FAHD1: variants seen among roughly 807,000 people sequenced by gnomAD.
The protein encoded by FAHD1 is FAH domain containing oxaloacetate decarboxylase 1, also known as oxaloacetate tautomerase FAHD1, mitochondrial.
FAHD1 carries 14 observed loss-of-function variants against 12.7 expected under a neutral mutation model. The ratio of observed to expected loss-of-function variants is 1.10; its 90% CI spans 0.73 to 1.72. The LOEUF (loss-of-function observed/expected upper bound fraction) is 1.72. Ranked by LOEUF, FAHD1 falls within the 40% of genes most tolerant of loss-of-function variation. The pLI, the probability that FAHD1 is intolerant of heterozygous loss-of-function variation, is 0.00. For synonymous variants in FAHD1, 153 were observed against 124.9 expected (o/e 1.22, Z -1.50); for missense variants, 351 against 298.9 (o/e 1.17, Z -1.29).
At chr16:1,834,943 C>A (rs911184110) in intron 1 of FAHD1, among the ~76,000 whole-genome samples, 1 of 95,664 alleles carries the variant, frequency 1.0e-5, no homozygotes, top group Admixed American at 1.1e-4. Flanking sequence ...CCCCCCCACC[C>A]CCCCCCACTA....
chr16:1,837,787 TAAA>T, intron 1 of FAHD1: 1 of 1,492,360 alleles, frequency 6.7e-7, no homozygotes, highest in Non-Finnish European at 9.1e-7. Flanking sequence ...CACTAACTTT[TAAA>T]TAAATTTTGC....
exon 3 of FAHD1, chr16:1,839,495 T>C (rs1898841767): frequency 3.4e-6 from 5 of 1,471,762 alleles, no homozygotes; most frequent in Non-Finnish European, 4.6e-6. Flanking sequence ...AAATTTCATC[T>C]GTAGCAGAAA....
At chr16:1,837,310 G>A (rs1476236254) in intron 1 of FAHD1, among the ~76,000 whole-genome samples, 1 of 139,486 alleles carries the variant, frequency 7.2e-6, no homozygotes, top group African/African-American at 2.6e-5. Flanking sequence ...ATCTTACACT[G>A]CCTCACTAAC....
At chr16:1,827,859 C>T (rs766836010) in exon 1 of FAHD1, 5 of 1,614,016 alleles carry the variant, frequency 3.1e-6, no homozygotes, top group Admixed American at 1.7e-5. Flanking sequence ...CTGGCATACA[C>T]GGGCTGGTCA....
chr16:1,827,784 A>C, exon 1 of FAHD1: 1 of 1,614,146 alleles, frequency 6.2e-7, no homozygotes, highest in South Asian at 1.1e-5. Flanking sequence ...TGGAAGAAGG[A>C]GATATTATCT....
chr16:1,830,944 A>ACACACACACACACACACCCCCCACCCACC (rs57025691), downstream of FAHD1, among the ~76,000 whole-genome samples: 1 of 147,206 alleles, frequency 6.8e-6, no homozygotes, highest in Non-Finnish European at 1.5e-5. Context: ...ACACACACAC[A>ACACACACACACACACACCCCCCACCCACC]CCCATATTTT....
rs754752783 is a variant in FAHD1 at position 1,827,272 on chromosome 16, G to T, written c.34G>T (p.Glu12Ter). 3 of 1,612,644 alleles carry T rather than the reference G, an allele frequency of 1.9e-6. No individual in the cohort carries two copies. The highest frequency in any genetic ancestry group is 2.2e-5 in the South Asian group (2 of 91,072). Residue 12 changes from glutamate to a stop codon, truncating the protein, a stop_gained, in exon 1 of 1, where the codon GAG becomes TAG. Coordinates refer to ENST00000427358, the Ensembl canonical transcript of FAHD1. LOFTEE classifies it high-confidence loss of function. ...ATCCAGGCCATTGTCCCGCTTCTGG[G>T]AGTGGGGAAAGAACATCGTCTGCGT... is the stretch of plus-strand genomic sequence containing the variant.
At chr16:1,831,886 C>G (rs1310848135), downstream of FAHD1, among the ~76,000 whole-genome samples, 1 of 152,124 alleles carries the variant, frequency 6.6e-6, no homozygotes, top group Admixed American at 6.5e-5. Flanking sequence ...CTGTTTCATC[C>G]TGAAACCATC....
At chr16:1,827,796 G>A (rs147870961) in exon 1 of FAHD1, 2 of 1,614,096 alleles carry the variant, frequency 1.2e-6, no homozygotes, top group African/African-American at 2.7e-5. Flanking sequence ...ATATTATCTT[G>A]ACTGGGACGC....
chr16:1,839,233 TTTC>T (rs1898832812), intron 2 of FAHD1: 1 of 1,555,116 alleles, frequency 6.4e-7, no homozygotes, highest in Non-Finnish European at 8.7e-7. Flanking sequence ...ATTCTAAACA[TTTC>T]TTCCTTTTTG....
chr16:1,837,572 T>C (rs1212618518), intron 1 of FAHD1: 3 of 363,426 alleles, frequency 8.3e-6, no homozygotes, highest in Non-Finnish European at 1.5e-5. Context: ...TTTGTTGGTC[T>C]ATTTTCTTTG....
intron 2 of FAHD1, chr16:1,839,107 T>G: frequency 1.2e-6 from 1 of 856,676 alleles, no homozygotes; most frequent in Non-Finnish European, 1.7e-6. Flanking sequence ...ATCAAAGCAA[T>G]GTGTGTTTAA....
chr16:1,828,002 C>G, exon 1 of FAHD1: 1 of 1,517,358 alleles, frequency 6.6e-7, no homozygotes, highest in Admixed American at 2.1e-5. Context: ...CATTTATTGG[C>G]CGGACGCGGT....
chr16:1,828,024 G>A, exon 1 of FAHD1: 1 of 1,481,216 alleles, frequency 6.8e-7, no homozygotes, highest in Non-Finnish European at 9.0e-7. Context: ...GCTCACGCCT[G>A]TAATCGCAGC....
chr16:1,827,399 C>T (rs751170172), exon 1 of FAHD1: 10 of 1,611,346 alleles, frequency 6.2e-6, no homozygotes, highest in Non-Finnish European at 8.5e-6. Context: ...CCCGAGGGCT[C>T]GCCCATCCTC....
chr16:1,827,241 G>A (rs1898488115), exon 1 of FAHD1: 3 of 1,602,898 alleles, frequency 1.9e-6, no homozygotes, highest in Non-Finnish European at 2.6e-6. Flanking sequence ...TGGGAATCAT[G>A]GCAGCATCCA....
chr16:1,829,971 C>T (rs1001731899), downstream of FAHD1, among the ~76,000 whole-genome samples: 5 of 151,944 alleles, frequency 3.3e-5, no homozygotes, highest in Non-Finnish European at 7.4e-5. Context: ...TCAAGTGATT[C>T]TCCTGCCTCA....
At chr16:1,839,319 T>G in exon 3 of FAHD1, 1 of 1,614,222 alleles carries the variant, frequency 6.2e-7, no homozygotes, top group Non-Finnish European at 8.5e-7. Context: ...GGTGCCTGTG[T>G]GATCAGTCAG....
downstream of FAHD1, among the ~76,000 whole-genome samples, chr16:1,830,944 A>ACCCACC (rs1555470126): frequency 2.0e-5 from 3 of 147,206 alleles, no homozygotes; most frequent in East Asian, 2.0e-4. Flanking sequence ...ACACACACAC[A>ACCCACC]CCCATATTTT....
Sources: allele counts gnomAD v4.1 joint callset (sites outside exome capture counted in the v4.1 genomes callset), GRCh38; gene constraint gnomAD v4.1.1; transcripts MANE v1.5; gene names NCBI Gene and HGNC (gene_info 2026-07-23, HGNC 2026-07-21).